XKR4: variants seen among roughly 807,000 people sequenced by gnomAD.
XKR4 encodes the protein XK related 4.
A neutral mutation model predicts 53.9 loss-of-function variants in XKR4; 12 were observed. The ratio of observed to expected loss-of-function variants is 0.22; its 90% CI spans 0.14 to 0.36. The LOEUF is 0.36. Ranked by LOEUF, XKR4 falls within the 10% of genes least tolerant of loss-of-function variation. The pLI, the probability that XKR4 is intolerant of heterozygous loss-of-function variation, is 1.00. For missense variants in XKR4, 799 were observed against 859.5 expected (o/e 0.93, Z 0.88); for synonymous variants, 354 against 362.4 (o/e 0.98, Z 0.26).
At chr8:55,245,382 C>T (rs551763576) in intron 1 of XKR4, among the ~76,000 whole-genome samples, 8 of 151,786 alleles carry the variant, frequency 5.3e-5, no homozygotes, top group East Asian at 3.9e-4. Flanking sequence ...CTTTTTGTAG[C>T]GGGGGAAAAT....
intron 1 of XKR4, among the ~76,000 whole-genome samples, chr8:55,228,952 T>C (rs1817993499): frequency 6.6e-6 from 1 of 152,184 alleles, no homozygotes; most frequent in Non-Finnish European, 1.5e-5. Context: ...AAAACTCTGA[T>C]CACGGGGTTC....
At chr8:55,283,568 G>T (rs1023483959) in intron 1 of XKR4, among the ~76,000 whole-genome samples, 1 of 152,188 alleles carries the variant, frequency 6.6e-6, no homozygotes, top group African/African-American at 2.4e-5. Flanking sequence ...ATGAGCACTC[G>T]AATAGAAACC....
rs201509082 is a variant in XKR4 at position 55,227,763 on chromosome 8, CT to C, written c.806+124470del. Among the ~76,000 whole-genome samples the C allele has an allele frequency of 2.3e-3, 347 of 152,316 alleles. 1 individual carries two copies. Among genetic ancestry groups the C allele is most frequent in the African/African-American group, 7.8e-3 (325 of 41,562 alleles). On this transcript the variant is annotated intron_variant, in intron 1 of 2. Coordinates refer to ENST00000327381, the MANE Select transcript of XKR4 (RefSeq NM_052898.2). ...GAGCACAGATCCGCCACAGCCACCC[CT>C]GTGTGAGTGGGACATTCAATGCAGC...
intron 1 of XKR4, among the ~76,000 whole-genome samples, chr8:55,294,032 C>T (rs72651895): frequency 0.13 from 20,296 of 152,138 alleles, 1,562 homozygotes; most frequent in Non-Finnish European, 0.18. Context: ...CACTGGAAAA[C>T]GGGAATATAA....
intron 2 of XKR4, among the ~76,000 whole-genome samples, chr8:55,512,599 G>T (rs1289936065): frequency 1.3e-5 from 2 of 152,236 alleles, no homozygotes; most frequent in African/African-American, 4.8e-5. Flanking sequence ...TGATTTTTCA[G>T]TTCCTCTAGG....
intron 1 of XKR4, among the ~76,000 whole-genome samples, chr8:55,242,068 A>G (rs1818217658): frequency 6.6e-6 from 1 of 152,228 alleles, no homozygotes; most frequent in East Asian, 1.9e-4. Flanking sequence ...TTTAAGTGCC[A>G]GAAGATTTTA....
At chr8:55,336,783 G>T (rs1368728462) in intron 1 of XKR4, among the ~76,000 whole-genome samples, 1 of 152,204 alleles carries the variant, frequency 6.6e-6, no homozygotes, top group South Asian at 2.1e-4. Context: ...TTACAATTTT[G>T]GGGGGTACAC....
intron 1 of XKR4, among the ~76,000 whole-genome samples, chr8:55,350,576 T>C (rs996742804): frequency 1.3e-5 from 2 of 152,146 alleles, no homozygotes; most frequent in African/African-American, 4.8e-5. Flanking sequence ...ATTCCACTTA[T>C]ATCCAGAGAA....
chr8:55,151,603 A>C (rs933656905), intron 1 of XKR4, among the ~76,000 whole-genome samples: 3 of 152,208 alleles, frequency 2.0e-5, no homozygotes, highest in Non-Finnish European at 2.9e-5. Flanking sequence ...GTTTTTTATA[A>C]GTATAAAAGT....
intron 1 of XKR4, among the ~76,000 whole-genome samples, chr8:55,137,093 T>C (rs765286071): frequency 2.8e-4 from 42 of 152,246 alleles, no homozygotes; most frequent in Admixed American, 2.6e-3. Context: ...GCTGAACTTA[T>C]AGTGTAAGCA....
At chr8:55,167,036 A>C (rs1817078554) in intron 1 of XKR4, among the ~76,000 whole-genome samples, 1 of 152,172 alleles carries the variant, frequency 6.6e-6, no homozygotes, top group African/African-American at 2.4e-5. Context: ...AAGGGGCAAA[A>C]GTGGTGGAAG....
At chr8:55,226,877 C>A (rs1012209406) in intron 1 of XKR4, among the ~76,000 whole-genome samples, 2 of 152,190 alleles carry the variant, frequency 1.3e-5, no homozygotes, top group Non-Finnish European at 2.9e-5. Context: ...CCTTTACCAG[C>A]TATCCATCAC....
At chr8:55,481,334 G>T (rs1011336902) in intron 2 of XKR4, among the ~76,000 whole-genome samples, 7 of 152,016 alleles carry the variant, frequency 4.6e-5, no homozygotes, top group African/African-American at 1.7e-4. Context: ...GGGAAAACTG[G>T]CTAGCCATAT....
chr8:55,326,539 C>T (rs1278380019), intron 1 of XKR4, among the ~76,000 whole-genome samples: 7 of 139,680 alleles, frequency 5.0e-5, no homozygotes, highest in African/African-American at 1.4e-4. Flanking sequence ...GGCCCAATCT[C>T]GGCTCACTGC....
rs1274830440 is a variant in XKR4 at position 55,420,561 on chromosome 8, C to T, written c.1006+62684C>T. On this transcript the variant is annotated intron_variant, in intron 2 of 2. Coordinates refer to ENST00000327381, the MANE Select transcript of XKR4 (RefSeq NM_052898.2). ...CAAAAAACCAAACACCGCATATTCT[C>T]ACTCATAGGTCGGAATTGAACAATG... Among the ~76,000 whole-genome samples the T allele has an allele frequency of 2.8e-5, 4 of 144,692 alleles. No individual in the cohort carries two copies. The Admixed American group carries it at 2.9e-4, about 10-fold the overall frequency. 94.9% of individuals were successfully genotyped at this position (144,692 alleles called of 152,430 possible). A position where few individuals can be genotyped will look rare whatever the true frequency, so the allele number is the denominator to read the frequency against.
intron 2 of XKR4, among the ~76,000 whole-genome samples, chr8:55,368,618 C>T (rs926287736): frequency 1.3e-4 from 20 of 152,152 alleles, no homozygotes; most frequent in Non-Finnish European, 1.0e-4. Flanking sequence ...ACTTACTCTG[C>T]GTGATTTTCT....
chr8:55,501,906 G>A (rs1290955956), intron 2 of XKR4, among the ~76,000 whole-genome samples: 1 of 152,092 alleles, frequency 6.6e-6, no homozygotes, highest in South Asian at 2.1e-4. Flanking sequence ...ATCCACAAAC[G>A]CTCAAGTCTC....
At chr8:55,166,494 A>G (rs1019210222) in intron 1 of XKR4, among the ~76,000 whole-genome samples, 3 of 152,258 alleles carry the variant, frequency 2.0e-5, no homozygotes, top group African/African-American at 7.2e-5. Flanking sequence ...CAAACAAACA[A>G]TAGACAAAAG....
intron 2 of XKR4, among the ~76,000 whole-genome samples, chr8:55,463,286 T>C (rs1178566577): frequency 4.6e-5 from 7 of 152,128 alleles, no homozygotes; most frequent in South Asian, 2.1e-4. Context: ...TCTCAGACCA[T>C]AGTGCAATCA....
Sources: allele counts gnomAD v4.1 joint callset (sites outside exome capture counted in the v4.1 genomes callset), GRCh38; gene constraint gnomAD v4.1.1; transcripts MANE v1.5; gene names NCBI Gene and HGNC (gene_info 2026-07-23, HGNC 2026-07-21).